CDH1: variants seen among roughly 807,000 people sequenced by gnomAD.
CDH1 encodes the protein cadherin 1.
In CDH1, 35 loss-of-function variants were observed where a neutral mutation model predicts 84.5. The ratio of observed to expected loss-of-function variants is 0.41; its 90% CI spans 0.32 to 0.55. CDH1 has a LOEUF of 0.55. CDH1 is among the 20% of genes least tolerant of loss of function. The pLI is 0.19. For synonymous variants in CDH1, 417 were observed against 439.0 expected (o/e 0.95, Z 0.63); for missense variants, 994 against 1,126.6 (o/e 0.88, Z 1.68).
chr16:68,745,607 G>GTTTATATATATATA (rs1962715524), intron 2 of CDH1, among the ~76,000 whole-genome samples: 1 of 129,820 alleles, frequency 7.7e-6, no homozygotes, highest in African/African-American at 3.6e-5. Flanking sequence ...ATATATGTAT[G>GTTTATATATATATA]TGTATATATA....
chr16:68,743,351 C>CT (rs141699915), intron 2 of CDH1, among the ~76,000 whole-genome samples: 1,427 of 10,804 alleles, frequency 0.13, 146 homozygotes, highest in African/African-American at 0.25. Flanking sequence ...TTCTTTCTTT[C>CT]TTTCTTTCTT....
In CDH1 at chr16:68,737,460, G is replaced by A. The variant is rs746331438; in HGVS notation, c.45G>A (p.Leu15=). The A allele has an allele frequency of 1.3e-6, 2 of 1,537,464 alleles. No homozygotes were observed. Among genetic ancestry groups the A allele is most frequent in the Non-Finnish European group, 1.7e-6 (2 of 1,148,414 alleles). Residue 15 remains leucine, a synonymous_variant, in exon 1 of 16, where the codon CTG becomes CTA. Transcript: ENST00000261769. The part of the protein sequence containing the change: ...SRSLSALLLL[L]QVSSWLCQEP... ...GCCTCTCGGCGCTGCTGCTGCTGCT[G>A]CAGGTACCCCGGATCCCCTGACTTG...
chr16:68,808,390 G>A (rs1392401374), intron 3 of CDH1, 34 bp from the exon 4 acceptor site: 4 of 1,613,606 alleles, frequency 2.5e-6, no homozygotes, highest in Non-Finnish European at 3.4e-6. Context: ...GTCTTGAATT[G>A]TCTTATCTTG....
At chr16:68,774,330 G>A (rs1314060241) in intron 2 of CDH1, among the ~76,000 whole-genome samples, 1 of 152,194 alleles carries the variant, frequency 6.6e-6, no homozygotes, top group Admixed American at 6.5e-5. Context: ...TTTGAGCCTG[G>A]CCCACATGGT....
Position 68,833,947 on chromosome 16 carries a change from T to C in CDH1, c.*448T>C. On this transcript the variant is annotated 3_prime_UTR_variant, in exon 16 of 16. Coordinates refer to ENST00000261769, the MANE Select transcript of CDH1 (RefSeq NM_004360.5). ...GTGCTTCTGCTCATTACTACACTGG[T>C]GTGTCCCTCTGCCTTTTTTTTTTTT... 2.9e-6 allele frequency: 1 copy of C among 344,750 alleles called. No individual in the cohort carries two copies. Among genetic ancestry groups the C allele is most frequent in the African/African-American group, 2.1e-5 (1 of 47,368 alleles). 21.4% of individuals were successfully genotyped at this position (344,750 alleles called of 1,614,324 possible). A position where few individuals can be genotyped will look rare whatever the true frequency, so the allele number is the denominator to read the frequency against.
At chr16:68,788,240 G>A (rs1048852377) in intron 2 of CDH1, among the ~76,000 whole-genome samples, 1 of 152,090 alleles carries the variant, frequency 6.6e-6, no homozygotes, top group Non-Finnish European at 1.5e-5. Context: ...TGACTGATGG[G>A]GTATTCCTCA....
chr16:68,829,729 C>T lies in CDH1; in HGVS notation c.2371C>T (p.Leu791Phe), dbSNP rs786202598. 24 of 1,614,008 alleles carry T rather than the reference C, an allele frequency of 1.5e-5. No homozygotes were observed. The highest frequency in any genetic ancestry group is 1.1e-4 in the African/African-American group (8 of 74,912). Residue 791 changes from leucine to phenylalanine, a missense_variant, in exon 15 of 16, where the codon CTC becomes TTC. By Grantham distance (22) the Leu-to-Phe change is conservative. Coordinates refer to ENST00000261769, the MANE Select transcript of CDH1 (RefSeq NM_004360.5). ...GACTCGTAACGACGTTGCACCAACCCTCATGAGTGTCCCCCGGTATCTTCC... is the reference window on the plus strand; with the variant it reads ...GACTCGTAACGACGTTGCACCAACCTTCATGAGTGTCCCCCGGTATCTTCC... ...EVTRNDVAPTLMSVPRYLPRP... is the reference protein window; with the variant it reads ...EVTRNDVAPTFMSVPRYLPRP...
At chr16:68,806,120 G>GTC (rs201566140) in intron 3 of CDH1, among the ~76,000 whole-genome samples, 1 of 123,896 alleles carries the variant, frequency 8.1e-6, no homozygotes, top group Non-Finnish European at 1.6e-5. Context: ...GCTAATTTTT[G>GTC]TATATTTATT....
At chr16:68,816,768 ACT>A (rs34367417) in intron 10 of CDH1, among the ~76,000 whole-genome samples, 14,635 of 140,424 alleles carry the variant, frequency 0.1, 797 homozygotes, top group Non-Finnish European at 0.13. Flanking sequence ...AAACAAAAAA[ACT>A]CTCATTTTCT....
At chr16:68,777,781 G>A (rs1959775080) in intron 2 of CDH1, among the ~76,000 whole-genome samples, 1 of 151,940 alleles carries the variant, frequency 6.6e-6, no homozygotes, top group Admixed American at 6.6e-5. Flanking sequence ...GCCCAGGCTG[G>A]AGTGCAGTGG....
chr16:68,804,822 A>ATT (rs1960608492), intron 3 of CDH1, among the ~76,000 whole-genome samples: 1 of 124,580 alleles, frequency 8.0e-6, no homozygotes, highest in African/African-American at 3.9e-5. Context: ...AGGTAACAAA[A>ATT]TCTTTTTTTT....
At chr16:68,817,939 C>A (rs2152135987) in intron 10 of CDH1, among the ~76,000 whole-genome samples, 1 of 151,916 alleles carries the variant, frequency 6.6e-6, no homozygotes, top group Middle Eastern at 3.4e-3. Flanking sequence ...AGTTTTGTTT[C>A]CTAAAATTGA....
intron 2 of CDH1, among the ~76,000 whole-genome samples, chr16:68,745,627 G>A (rs12920744): frequency 3.6e-5 from 1 of 27,404 alleles, no homozygotes; most frequent in East Asian, 1.0e-3. Flanking sequence ...ATATATATAT[G>A]TATATATATT....
chr16:68,795,438 T>A (rs1045829240), intron 2 of CDH1, among the ~76,000 whole-genome samples: 1 of 152,194 alleles, frequency 6.6e-6, no homozygotes, highest in Non-Finnish European at 1.5e-5. Flanking sequence ...CTTCGCAAAA[T>A]GGTGAGATTA....
chr16:68,787,265 G>T (rs1218233390), intron 2 of CDH1, among the ~76,000 whole-genome samples: 2 of 152,192 alleles, frequency 1.3e-5, no homozygotes, highest in African/African-American at 2.4e-5. Flanking sequence ...GTGCTGGCTG[G>T]TTCTGGGGCG....
chr16:68,801,663 C>A lies in CDH1; in HGVS notation c.164-7C>A, dbSNP rs749836889. On this transcript the variant is annotated splice_polypyrimidine_tract_variant and splice_region_variant and intron_variant, in intron 2 of 15. Transcript: ENST00000261769. ...ATTTCCTAATCTCTGTGATTTCTGC[C>A]CTGCAGTGAATTTTGAAGATTGCAC... 1 of 1,608,330 alleles carries A rather than the reference C, an allele frequency of 6.2e-7. No individual in the cohort carries two copies. The highest frequency in any genetic ancestry group is 1.1e-5 in the South Asian group (1 of 90,982).
chr16:68,778,517 C>T (rs117331511), intron 2 of CDH1, among the ~76,000 whole-genome samples: 3 of 152,348 alleles, frequency 2.0e-5, no homozygotes, highest in Non-Finnish European at 4.4e-5. Flanking sequence ...AGTGATTCCA[C>T]GTGGTCCTGC....
chr16:68,753,653 A>G (rs1297821842), intron 2 of CDH1, among the ~76,000 whole-genome samples: 1 of 152,128 alleles, frequency 6.6e-6, no homozygotes, highest in Non-Finnish European at 1.5e-5. Flanking sequence ...ACAAATCTTT[A>G]TGTAACCTAG....
intron 2 of CDH1, among the ~76,000 whole-genome samples, chr16:68,762,698 C>T (rs1003250958): frequency 1.3e-5 from 2 of 152,084 alleles, no homozygotes; most frequent in Admixed American, 6.6e-5. Context: ...CACCTGAAGT[C>T]AGGAGTTTGA....
Sources: gnomAD v4.1 joint callset for allele counts (sites outside exome capture counted in the v4.1 genomes callset) on GRCh38, gnomAD v4.1.1 for gene constraint, MANE v1.5 for transcripts, NCBI Gene and HGNC (gene_info 2026-07-23, HGNC 2026-07-21) for gene names.